The following MTRR variants were observed in gnomAD, a reference collection of about 807,000 sequenced individuals.
MTRR encodes methionine synthase reductase.
MTRR carries 63 observed loss-of-function variants against 79.2 expected under a neutral mutation model. The ratio of observed to expected loss-of-function variants is 0.80; its 90% CI spans 0.65 to 0.98. The LOEUF (loss-of-function observed/expected upper bound fraction) is 0.98. Ranked by LOEUF, MTRR falls within the 50% of genes least tolerant of loss-of-function variation. The pLI is 0.00. For missense variants in MTRR, 895 were observed against 839.6 expected (o/e 1.07, Z -0.82); for synonymous variants, 355 against 313.3 (o/e 1.13, Z -1.41).
chr5:7,852,198 T>G (rs1027121064), intron 1 of MTRR, among the ~76,000 whole-genome samples: 1 of 152,188 alleles, frequency 6.6e-6, no homozygotes, highest in African/African-American at 2.4e-5. Flanking sequence ...CCCTGCCTTC[T>G]TCCCCATCCC....
chr5:7,863,121 G>A (rs1746674960), intron 2 of MTRR: 2 of 809,882 alleles, frequency 2.5e-6, no homozygotes, highest in Non-Finnish European at 2.0e-6. Context: ...TACTTTTCCA[G>A]GAATTGGGAC....
chr5:7,889,505 A>G (rs111300325), intron 9 of MTRR, among the ~76,000 whole-genome samples: 1 of 151,812 alleles, frequency 6.6e-6, no homozygotes. Flanking sequence ...CCCCTTCCAG[A>G]CTTTTGGTTT....
upstream of MTRR, chr5:7,867,465 G>A (rs1747065170): frequency 1.2e-6 from 2 of 1,614,190 alleles, no homozygotes; most frequent in African/African-American, 1.3e-5. Flanking sequence ...TTTCTGAGAC[G>A]ATTTTGGCAT....
intron 2 of MTRR, among the ~76,000 whole-genome samples, chr5:7,872,774 T>C (rs1015723972): frequency 6.6e-6 from 1 of 152,228 alleles, no homozygotes; most frequent in African/African-American, 2.4e-5. Flanking sequence ...TCCTGAGTGC[T>C]TATGTATCAG....
chr5:7,890,550 ATT>A (rs1737375234), intron 9 of MTRR: 1 of 345,138 alleles, frequency 2.9e-6, no homozygotes, highest in Non-Finnish European at 4.1e-6. Flanking sequence ...ATATAAAAAA[ATT>A]AAAGTCATTG....
upstream of MTRR, chr5:7,867,466 A>AT (rs1230503949): frequency 2.5e-6 from 4 of 1,614,088 alleles, no homozygotes; most frequent in Non-Finnish European, 3.4e-6. Flanking sequence ...TTCTGAGACG[A>AT]TTTTGGCATT....
In MTRR at chr5:7,862,719, AT is replaced by A. The variant is rs940461699; in HGVS notation, n.498+666del. 3.0e-5 allele frequency: 30 copies of A among 986,202 alleles called. No homozygotes were observed. The Admixed American group carries it at 6.9e-4, about 23-fold the overall frequency. The allele number at this position is 986,202 out of a possible 1,614,324, so 61.1% of individuals were successfully genotyped here. A position where few individuals can be genotyped will look rare whatever the true frequency, so the allele number is the denominator to read the frequency against. ...TTGCCTTCAGGGAAGGGACCATTCC[AT>A]TTTGCATTTCCAGAGAACTTCTATT... is the stretch of plus-strand genomic sequence containing the variant. On this transcript the variant is annotated intron_variant and non_coding_transcript_variant, in intron 2 of 3. Transcript: ENST00000502509.
intron 10 of MTRR, among the ~76,000 whole-genome samples, chr5:7,891,806 G>A (rs1455252165): frequency 6.6e-6 from 1 of 152,166 alleles, no homozygotes; most frequent in East Asian, 1.9e-4. Flanking sequence ...ACTTTGGGAG[G>A]CCGAGGCGGG....
upstream of MTRR, among the ~76,000 whole-genome samples, chr5:7,864,143 G>A (rs1362119828): frequency 6.6e-6 from 1 of 152,114 alleles, no homozygotes; most frequent in Non-Finnish European, 1.5e-5. Flanking sequence ...GAGCCACTGC[G>A]CACGGCAAGA....
chr5:7,861,446 C>A, intron 1 of MTRR: 1 of 643,182 alleles, frequency 1.6e-6, no homozygotes, highest in South Asian at 4.1e-5. Flanking sequence ...AAGGAATTTC[C>A]CAACATGGTA....
intron 5 of MTRR, 97 bp from the exon 6 acceptor site, chr5:7,883,057 GA>G: frequency 6.6e-7 from 1 of 1,508,340 alleles, no homozygotes; most frequent in African/African-American, 1.4e-5. Context: ...GAGTAGCCAG[GA>G]AGTTTTGTAA....
chr5:7,893,100 T>C, intron 11 of MTRR, 187 bp downstream of exon 11: 3 of 663,956 alleles, frequency 4.5e-6, no homozygotes, highest in Middle Eastern at 4.0e-4. Context: ...AACTAGTGTG[T>C]GTATTTTCTG....
chr5:7,870,225 A>C (rs1309833478), intron 1 of MTRR: 7 of 227,698 alleles, frequency 3.1e-5, no homozygotes, highest in Non-Finnish European at 5.3e-5. Flanking sequence ...TATGTGCTTC[A>C]GTTACCTTTA....
chr5:7,884,889 A>G (rs1253337739), intron 6 of MTRR, among the ~76,000 whole-genome samples: 4 of 152,242 alleles, frequency 2.6e-5, no homozygotes, highest in East Asian at 1.9e-4. Context: ...AAAAAATACA[A>G]TGTGTCAAAA....
chr5:7,886,842 C>A, intron 8 of MTRR, 139 bp downstream of exon 8: 1 of 708,806 alleles, frequency 1.4e-6, no homozygotes. Flanking sequence ...TATTAGTTCC[C>A]AAGGGTGTGT....
At chr5:7,868,015 A>T, upstream of MTRR, 1 of 1,614,092 alleles carries the variant, frequency 6.2e-7, no homozygotes, top group Non-Finnish European at 8.5e-7. Context: ...TTTTTAAAGC[A>T]GCCAGAGCTC....
intron 9 of MTRR, chr5:7,890,187 C>T (rs543181243): frequency 1.8e-4 from 158 of 883,660 alleles, no homozygotes; most frequent in Non-Finnish European, 2.1e-4. Flanking sequence ...CAGCAAGATC[C>T]TTTTCGATGC....
At chr5:7,897,327 A>G in intron 14 of MTRR, 80 bp downstream of exon 14, 1 of 1,374,710 alleles carries the variant, frequency 7.3e-7, no homozygotes, top group Non-Finnish European at 1.0e-6. Context: ...CCGAGAAGCC[A>G]ATAATCTAGA....
chr5:7,863,945 G>C (rs1746743690), intron 2 of MTRR, among the ~76,000 whole-genome samples: 1 of 152,140 alleles, frequency 6.6e-6, no homozygotes, highest in African/African-American at 2.4e-5. Flanking sequence ...CCGCCTCCTG[G>C]GTTGAGCGAT....
Sources: gnomAD v4.1 joint callset for allele counts (sites outside exome capture counted in the v4.1 genomes callset) on GRCh38, gnomAD v4.1.1 for gene constraint, MANE v1.5 for transcripts, NCBI Gene and HGNC (gene_info 2026-07-23, HGNC 2026-07-21) for gene names.